The following MACROD2 variants were observed in gnomAD, a reference collection of about 807,000 sequenced individuals.
MACROD2 encodes the protein ADP-ribose glycohydrolase MACROD2.
Under a neutral mutation model 70.4 loss-of-function variants are expected in MACROD2, and 36 were observed. That is an observed-to-expected ratio of 0.51 (90% CI 0.39 to 0.68). The LOEUF is 0.68. MACROD2 is among the 30% of genes least tolerant of loss of function. MACROD2 has a pLI of 0.00. For synonymous variants in MACROD2, 172 were observed against 178.8 expected, an observed-to-expected ratio of 0.96 and a Z score of 0.30; for missense variants, 496 against 538.4, an observed-to-expected ratio of 0.92 and a Z score of 0.78.
At chr20:15,112,238 G>T (rs1241542115) in intron 5 of MACROD2, among the ~76,000 whole-genome samples, 3 of 152,136 alleles carry the variant, frequency 2.0e-5, no homozygotes, top group African/African-American at 7.2e-5. Flanking sequence ...TGTTAAGAGG[G>T]TTCAGAAGTA....
rs546992398 is a variant in MACROD2 at position 14,028,390 on chromosome 20, C to G, written c.163+25986C>G. Among the ~76,000 whole-genome samples, 18 of 152,266 alleles carry G rather than the reference C, an allele frequency of 1.2e-4. 1 individual carries two copies. In the East Asian group the frequency reaches 2.5e-3, roughly 21 times the overall value. On this transcript the variant is annotated intron_variant, in intron 2 of 17. Transcript: ENST00000684519. Reference sequence around the variant, plus strand: ...GGGTGGGATCTGCTGAGCTAGACCACTTGGTTCCCTGGCTTCAGCCCCCTT... The same window carrying G: ...GGGTGGGATCTGCTGAGCTAGACCAGTTGGTTCCCTGGCTTCAGCCCCCTT...
At position 14,206,636 on chromosome 20, in the gene MACROD2, C is replaced by T. The variant is rs75465848; in HGVS notation, c.271+120908C>T. Among the ~76,000 whole-genome samples the T allele has an allele frequency of 9.5e-5, 14 of 147,934 alleles. 1 individual carries two copies. In the East Asian group the frequency reaches 1.2e-3, roughly 12 times the overall value. On this transcript the variant is annotated intron_variant, in intron 3 of 17. Coordinates refer to ENST00000684519, the MANE Select transcript of MACROD2 (RefSeq NM_001351661.2). ...AATCGAATTGGTAGCTGGTCTTTTT[C>T]ATCCCACCATCCCATGAGGCTTTTT... is the stretch of plus-strand genomic sequence containing the variant.
chr20:14,099,789 GTTC>G (rs2054274370), intron 3 of MACROD2, among the ~76,000 whole-genome samples: 1 of 152,084 alleles, frequency 6.6e-6, no homozygotes, highest in Non-Finnish European at 1.5e-5. Context: ...GTGTATGAGA[GTTC>G]TTATTGCTCT....
At chr20:15,167,921 A>G (rs1399498029) in intron 5 of MACROD2, among the ~76,000 whole-genome samples, 1 of 152,182 alleles carries the variant, frequency 6.6e-6, no homozygotes, top group East Asian at 1.9e-4. Flanking sequence ...AAAATCTGGA[A>G]AAATAAGCAC....
intron 3 of MACROD2, among the ~76,000 whole-genome samples, chr20:14,195,044 G>T (rs1167630045): frequency 6.6e-6 from 1 of 151,966 alleles, no homozygotes; most frequent in Non-Finnish European, 1.5e-5. Context: ...CTACTTTGTG[G>T]GATTGAGCCT....
intron 8 of MACROD2, among the ~76,000 whole-genome samples, chr20:15,541,554 C>T (rs2047955854): frequency 1.3e-5 from 2 of 152,118 alleles, no homozygotes; most frequent in African/African-American, 2.4e-5. Flanking sequence ...TGACACATCT[C>T]CATACGCCCC....
intron 8 of MACROD2, among the ~76,000 whole-genome samples, chr20:15,527,429 G>A (rs1328915962): frequency 6.6e-6 from 1 of 152,128 alleles, no homozygotes; most frequent in Non-Finnish European, 1.5e-5. Flanking sequence ...AATGTTTGAT[G>A]GAGAAAATGA....
In MACROD2 at chr20:15,395,196, A is replaced by G. The variant is rs564080681; in HGVS notation, c.541-36209A>G. ...TCCCTGCCACAGTCTACCCACTACC[A>G]CATCCACCAATCTCAGAGTGCTTTG... On this transcript the variant is annotated intron_variant, in intron 6 of 17. Transcript: ENST00000684519. Among the ~76,000 whole-genome samples, 8 of 152,332 alleles carry G rather than the reference A, an allele frequency of 5.3e-5. No individual in the cohort carries two copies. The South Asian group carries it at 8.3e-4, about 16-fold the overall frequency.
At chr20:14,841,459 A>G (rs968094538) in intron 5 of MACROD2, among the ~76,000 whole-genome samples, 1 of 152,160 alleles carries the variant, frequency 6.6e-6, no homozygotes, top group African/African-American at 2.4e-5. Context: ...TATTTCCCCT[A>G]ACTTTCAAAA....
intron 3 of MACROD2, among the ~76,000 whole-genome samples, chr20:14,131,884 C>T (rs921967455): frequency 3.3e-5 from 5 of 152,010 alleles, no homozygotes; most frequent in Non-Finnish European, 7.4e-5. Context: ...GTAATCCCAG[C>T]ACTTTGGGAG....
At chr20:14,107,760 C>T (rs3909059) in intron 3 of MACROD2, among the ~76,000 whole-genome samples, 151,259 of 152,222 alleles carry the variant, frequency 0.99, 75,159 homozygotes, top group East Asian at 1. Flanking sequence ...GAAAAAACCC[C>T]TTTGCCCTAG....
chr20:14,175,827 A>G (rs2081259311), intron 3 of MACROD2, among the ~76,000 whole-genome samples: 1 of 152,222 alleles, frequency 6.6e-6, no homozygotes, highest in South Asian at 2.1e-4. Context: ...CTTCTGAATT[A>G]TGAATGTAAA....
intron 3 of MACROD2, among the ~76,000 whole-genome samples, chr20:14,139,584 A>G (rs1476767618): frequency 1.3e-5 from 2 of 152,132 alleles, no homozygotes; most frequent in Non-Finnish European, 2.9e-5. Context: ...ATTGATTTGT[A>G]TTTTTTGCAA....
chr20:15,636,076 G>GAAAAGAAAAA (rs2049360889), intron 8 of MACROD2, among the ~76,000 whole-genome samples: 1 of 85,830 alleles, frequency 1.2e-5, no homozygotes, highest in Admixed American at 1.6e-4. Context: ...CCTCTCAAAA[G>GAAAAGAAAAA]AAAAAAAAAA....
chr20:14,620,843 A>T (rs967189530), intron 4 of MACROD2, among the ~76,000 whole-genome samples: 1 of 152,118 alleles, frequency 6.6e-6, no homozygotes, highest in Non-Finnish European at 1.5e-5. Context: ...AAATGAGTTT[A>T]TTATATACTT....
chr20:15,586,140 C>A (rs1392462948), intron 8 of MACROD2, among the ~76,000 whole-genome samples: 1 of 152,198 alleles, frequency 6.6e-6, no homozygotes, highest in Admixed American at 6.5e-5. Context: ...TCTATTTGAT[C>A]TGTTAATCCA....
intron 6 of MACROD2, among the ~76,000 whole-genome samples, chr20:15,318,202 C>G (rs1017124032): frequency 1.3e-5 from 2 of 152,076 alleles, no homozygotes; most frequent in African/African-American, 4.8e-5. Flanking sequence ...AATATTTGAA[C>G]TATTGTATGC....
intron 5 of MACROD2, chr20:14,893,161 G>A (rs115178721): frequency 6.6e-6 from 1 of 152,038 alleles, no homozygotes; most frequent in Non-Finnish European, 1.5e-5. Flanking sequence ...ATATCTCTTT[G>A]TATGTATATA....
At chr20:15,813,925 GTT>G (rs879779959) in intron 8 of MACROD2, among the ~76,000 whole-genome samples, 2 of 152,152 alleles carry the variant, frequency 1.3e-5, no homozygotes, top group Admixed American at 6.6e-5. Flanking sequence ...TTTATTAAAA[GTT>G]TTTGTTTTTC....
Sources: gnomAD v4.1 joint callset for allele counts (sites outside exome capture counted in the v4.1 genomes callset) on GRCh38, gnomAD v4.1.1 for gene constraint, MANE v1.5 for transcripts, NCBI Gene and HGNC (gene_info 2026-07-23, HGNC 2026-07-21) for gene names.